The following ANKS1B variants were observed in gnomAD, a reference collection of about 807,000 sequenced individuals.
ANKS1B encodes ankyrin repeat and sterile alpha motif domain-containing protein 1B.
Under a neutral mutation model 148.3 loss-of-function variants are expected in ANKS1B, and 36 were observed. That is an observed-to-expected ratio of 0.24 (90% CI 0.19 to 0.32). The LOEUF (loss-of-function observed/expected upper bound fraction) is 0.32, where lower values mean the gene tolerates loss of function less well. Ranked by LOEUF, ANKS1B falls within the 10% of genes least tolerant of loss-of-function variation. The probability of loss-of-function intolerance (pLI) is 1.00; values close to 1 mark genes in which losing one functional copy is unlikely to be tolerated. For synonymous variants in ANKS1B, 542 were observed against 560.8 expected (o/e 0.97, Z 0.47); for missense variants, 1,157 against 1,542.6 (o/e 0.75, Z 4.19).
intron 9 of ANKS1B, among the ~76,000 whole-genome samples, chr12:99,539,215 T>C (rs1237211729): frequency 3.3e-5 from 5 of 152,156 alleles, no homozygotes; most frequent in African/African-American, 1.2e-4. Context: ...AAATATAAGA[T>C]AGTATAAATG....
intron 14 of ANKS1B, among the ~76,000 whole-genome samples, chr12:99,216,703 C>T (rs1268715534): frequency 1.3e-5 from 2 of 152,072 alleles, no homozygotes; most frequent in African/African-American, 4.8e-5. Flanking sequence ...CTGACAAGGC[C>T]CTGTCTTGTC....
chr12:99,291,266 A>C (rs2079929885), intron 12 of ANKS1B, among the ~76,000 whole-genome samples: 1 of 152,210 alleles, frequency 6.6e-6, no homozygotes, highest in Non-Finnish European at 1.5e-5. Flanking sequence ...AATATATTCC[A>C]TGTTCAGGGA....
At chr12:98,765,664 C>T (rs2098470884) in intron 25 of ANKS1B, among the ~76,000 whole-genome samples, 2 of 151,720 alleles carry the variant, frequency 1.3e-5, no homozygotes, top group South Asian at 2.1e-4. Flanking sequence ...CTCCCAGGTT[C>T]GAGTGATTCT....
intron 2 of ANKS1B, among the ~76,000 whole-genome samples, chr12:99,813,450 G>A (rs1013588462): frequency 2.0e-5 from 3 of 151,156 alleles, no homozygotes; most frequent in Non-Finnish European, 3.0e-5. Flanking sequence ...CTAATGGGGA[G>A]GGTGAACATA....
At chr12:99,562,762 A>G (rs2097350427) in intron 9 of ANKS1B, among the ~76,000 whole-genome samples, 1 of 152,206 alleles carries the variant, frequency 6.6e-6, no homozygotes. Flanking sequence ...AACTGCTCTC[A>G]TGATTCAATT....
chr12:99,592,003 T>G lies in ANKS1B; in HGVS notation c.1272+63064A>C, dbSNP rs868810319. Among the ~76,000 whole-genome samples, 7 of 152,328 alleles carry G rather than the reference T, an allele frequency of 4.6e-5. No homozygotes were observed. The South Asian group carries it at 6.2e-4, about 14-fold the overall frequency. On this transcript the variant is annotated intron_variant, in intron 9 of 26. Coordinates refer to ENST00000683438, the MANE Select transcript of ANKS1B (RefSeq NM_001352186.2). ...CATTTCAGAAACAGAGCAAATAATG[T>G]GTATGGTTTATTTAAACTATACTCA... is the stretch of plus-strand genomic sequence containing the variant.
rs146449270 is a variant in ANKS1B at position 99,241,089 on chromosome 12, C to T, written c.2419+3253G>A. Among the ~76,000 whole-genome samples, 526 of 151,994 alleles carry T rather than the reference C, an allele frequency of 3.5e-3. 16 individuals are homozygous for T. In the East Asian group the frequency reaches 0.067, roughly 19 times the overall value. ...AGATAGAGACACAAAAAATCCTTCACAAAATCAATGAATCCAGGAGCTGGT... is the reference window on the plus strand; with the variant it reads ...AGATAGAGACACAAAAAATCCTTCATAAAATCAATGAATCCAGGAGCTGGT... On this transcript the variant is annotated intron_variant, in intron 14 of 26. Coordinates refer to ENST00000683438, the MANE Select transcript of ANKS1B (RefSeq NM_001352186.2).
At chr12:98,755,422 C>T (rs746609960) in intron 25 of ANKS1B, among the ~76,000 whole-genome samples, 1 of 152,220 alleles carries the variant, frequency 6.6e-6, no homozygotes, top group Admixed American at 6.5e-5. Flanking sequence ...CTGCCTTCAA[C>T]ATATTATCCC....
intron 1 of ANKS1B, among the ~76,000 whole-genome samples, chr12:99,854,713 A>C (rs939074897): frequency 5.3e-5 from 8 of 152,328 alleles, no homozygotes; most frequent in African/African-American, 1.9e-4. Context: ...CAGAAACCCT[A>C]TAAGCTAGAA....
intron 9 of ANKS1B, among the ~76,000 whole-genome samples, chr12:99,517,015 A>T (rs1233256814): frequency 6.6e-6 from 1 of 152,122 alleles, no homozygotes; most frequent in Non-Finnish European, 1.5e-5. Context: ...GTAGTTCCAT[A>T]TAAATTTTAG....
At chr12:99,789,496 T>C (rs1407887898) in intron 4 of ANKS1B, among the ~76,000 whole-genome samples, 1 of 152,116 alleles carries the variant, frequency 6.6e-6, no homozygotes, top group Non-Finnish European at 1.5e-5. Flanking sequence ...AAAATAGATA[T>C]ATGATCTTTC....
At chr12:99,203,190 T>C (rs1405985746) in intron 14 of ANKS1B, among the ~76,000 whole-genome samples, 2 of 152,190 alleles carry the variant, frequency 1.3e-5, no homozygotes, top group Non-Finnish European at 2.9e-5. Flanking sequence ...TTTAGATTGA[T>C]AAAGAGTTTC....
At chr12:99,247,332 C>A (rs2073993146) in intron 12 of ANKS1B, among the ~76,000 whole-genome samples, 1 of 151,620 alleles carries the variant, frequency 6.6e-6, no homozygotes, top group Admixed American at 6.6e-5. Flanking sequence ...ATTCAAAAAC[C>A]AAATTTTGAA....
chr12:99,547,266 A>C (rs1264618710), intron 9 of ANKS1B, among the ~76,000 whole-genome samples: 2 of 152,162 alleles, frequency 1.3e-5, no homozygotes, highest in East Asian at 3.8e-4. Flanking sequence ...TCTTCTGAGG[A>C]TTAGGAGATA....
intron 14 of ANKS1B, among the ~76,000 whole-genome samples, chr12:99,197,356 G>A (rs777424526): frequency 5.3e-5 from 8 of 151,930 alleles, no homozygotes; most frequent in East Asian, 1.9e-4. Context: ...CTCATCTTTC[G>A]CCATTCCCTC....
chr12:99,680,345 G>A (rs2098606966), intron 8 of ANKS1B, among the ~76,000 whole-genome samples: 1 of 152,172 alleles, frequency 6.6e-6, no homozygotes, highest in African/African-American at 2.4e-5. Context: ...GGAGGCTGAG[G>A]TGCGAGGATC....
chr12:98,862,915 A>G (rs2099606704), intron 17 of ANKS1B, among the ~76,000 whole-genome samples: 1 of 152,224 alleles, frequency 6.6e-6, no homozygotes, highest in African/African-American at 2.4e-5. Flanking sequence ...CCAGCATAAA[A>G]TGAAAAATCT....
At position 99,246,473 on chromosome 12, in the gene ANKS1B, C is replaced by T. The variant is rs1458384655; in HGVS notation, c.2148G>A (p.Leu716=). Residue 716 remains leucine, a synonymous_variant, in exon 13 of 27, where the codon CTG becomes CTA. Coordinates refer to ENST00000683438, the MANE Select transcript of ANKS1B (RefSeq NM_001352186.2). ...AGGFVERACT[L]GRIRSLPKAL... ...CTTTAGGCAATGACCTTATTCTCCC[C>T]AGAGTACAGGCTCTCTCCACAAATC... The T allele has an allele frequency of 1.9e-6, 3 of 1,613,806 alleles. No homozygotes were observed. The highest frequency in any genetic ancestry group is 2.5e-6 in the Non-Finnish European group (3 of 1,179,818).
chr12:99,658,925 A>C (rs1459562576), intron 8 of ANKS1B, among the ~76,000 whole-genome samples: 1 of 152,198 alleles, frequency 6.6e-6, no homozygotes, highest in Non-Finnish European at 1.5e-5. Flanking sequence ...TTCACATTGT[A>C]TCTCCTACAA....
Sources: gnomAD v4.1 joint callset for allele counts (sites outside exome capture counted in the v4.1 genomes callset) on GRCh38, gnomAD v4.1.1 for gene constraint, MANE v1.5 for transcripts, NCBI Gene and HGNC (gene_info 2026-07-23, HGNC 2026-07-21) for gene names.